ABCA9: variants seen among roughly 807,000 people sequenced by gnomAD.
ABCA9 encodes ATP binding cassette subfamily A member 9.
In ABCA9, 183 loss-of-function variants were observed where a neutral mutation model predicts 205.3. The ratio of observed to expected loss-of-function variants is 0.89; its 90% CI spans 0.79 to 1.01. ABCA9 has a LOEUF of 1.01. Ranked by LOEUF, ABCA9 falls within the 50% of genes least tolerant of loss-of-function variation. The pLI is 0.00. For missense variants in ABCA9, 1,805 were observed against 1,912.4 expected (o/e 0.94, Z 1.05); for synonymous variants, 651 against 683.3 (o/e 0.95, Z 0.74).
intron 25 of ABCA9, among the ~76,000 whole-genome samples, chr17:68,996,674 A>G (rs1181076617): frequency 2.0e-5 from 3 of 152,224 alleles, no homozygotes; most frequent in Non-Finnish European, 4.4e-5. Context: ...ACAGGAGGTC[A>G]TATTATTTAT....
intron 25 of ABCA9, among the ~76,000 whole-genome samples, chr17:68,997,393 A>AT (rs1275003122): frequency 2.0e-5 from 3 of 151,888 alleles, no homozygotes; most frequent in African/African-American, 7.2e-5. Context: ...AACTTTATGA[A>AT]TTTTTTCTAT....
chr17:69,007,518 T>C lies in ABCA9; in HGVS notation c.3435+241A>G, dbSNP rs146782365. Among the ~76,000 whole-genome samples, 625 of 152,318 alleles carry C rather than the reference T, an allele frequency of 4.1e-3. 4 individuals carry two copies. The highest frequency in any genetic ancestry group is 0.015 in the African/African-American group (603 of 41,582). On this transcript the variant is annotated intron_variant, in intron 25 of 38. Transcript: ENST00000340001. Reference sequence around the variant, plus strand: ...TCAGGTGAAATTGCAAGTGAATTGCTAGAAGCAGAAGTCTCTACTCAGGGG... The same window carrying C: ...TCAGGTGAAATTGCAAGTGAATTGCCAGAAGCAGAAGTCTCTACTCAGGGG...
intron 34 of ABCA9, 54 bp from the exon 35 acceptor site, chr17:68,984,229 G>A: frequency 6.3e-7 from 1 of 1,584,174 alleles, no homozygotes; most frequent in Non-Finnish European, 8.6e-7. Flanking sequence ...AAGGTATTTG[G>A]AATTTTAAAA....
intron 22 of ABCA9, 58 bp from the exon 23 acceptor site, chr17:69,012,141 C>T (rs1047035838): frequency 4.9e-5 from 59 of 1,197,580 alleles, no homozygotes; most frequent in Non-Finnish European, 6.6e-5. Flanking sequence ...TTCATCTGTA[C>T]TTTCTTAACT....
At chr17:69,043,082 G>A (rs2071596567) in intron 6 of ABCA9, 2 of 174,348 alleles carry the variant, frequency 1.1e-5, no homozygotes, top group African/African-American at 2.5e-5. Context: ...ATGGGAGACA[G>A]TGACAGATCA....
intron 15 of ABCA9, 88 bp downstream of exon 15, chr17:69,026,888 A>T: frequency 6.7e-7 from 1 of 1,487,374 alleles, no homozygotes. Flanking sequence ...TGGCAGTTCC[A>T]GGGAGACACA....
At chr17:68,984,545 T>C (rs531646088) in intron 34 of ABCA9, among the ~76,000 whole-genome samples, 2 of 152,330 alleles carry the variant, frequency 1.3e-5, no homozygotes, top group Non-Finnish European at 2.9e-5. Flanking sequence ...TTAAAATATA[T>C]TGAAGATTTG....
the ABCA9 span, among the ~76,000 whole-genome samples, chr17:69,067,945 C>A: frequency 8.5e-5 from 13 of 152,304 alleles, no homozygotes; most frequent in African/African-American, 2.9e-4. Flanking sequence ...GAAACCTAAA[C>A]AGAAACACTG....
chr17:68,983,786 C>T lies in ABCA9; in HGVS notation c.4563G>A (p.Lys1521=). ...GCTCCATTTGTGCCAGGTTCTTCAG[C>T]TTCATCTCCAGCAGGTAGTCTTTGC... ...KFGKDYLLEM[K]LKNLAQMEPL... is the part of the protein sequence containing the mutation. The change falls in exon 36 of 39, where the codon AAG becomes AAA. Residue 1521 remains lysine, a synonymous_variant. Coordinates refer to ENST00000340001, the MANE Select transcript of ABCA9 (RefSeq NM_080283.4). 6.2e-7 allele frequency: 1 copy of T among 1,614,192 alleles called. No homozygotes were observed. The highest frequency in any genetic ancestry group is 8.5e-7 in the Non-Finnish European group (1 of 1,180,036).
intron 22 of ABCA9, among the ~76,000 whole-genome samples, chr17:69,013,247 G>C (rs1167157991): frequency 1.3e-5 from 2 of 152,188 alleles, no homozygotes; most frequent in Admixed American, 6.5e-5. Context: ...GAGATTGATG[G>C]ATTGTATGGT....
rs534800501 is a variant in ABCA9 at position 69,050,378 on chromosome 17, T to A, written c.96+653A>T. Among the ~76,000 whole-genome samples, 1,229 of 149,902 alleles carry A rather than the reference T, an allele frequency of 8.2e-3. 18 individuals carry two copies. Among genetic ancestry groups the A allele is most frequent in the African/African-American group, 0.028 (1,150 of 40,912 alleles). On this transcript the variant is annotated intron_variant, in intron 2 of 38. Coordinates refer to ENST00000340001, the MANE Select transcript of ABCA9 (RefSeq NM_080283.4). ...CACACACACACACACACACACACGT[T>A]CATAAGATCAGATGTTAATATAAGT...
chr17:69,038,781 C>G (rs1334740179), intron 6 of ABCA9, among the ~76,000 whole-genome samples: 1 of 152,164 alleles, frequency 6.6e-6, no homozygotes, highest in Non-Finnish European at 1.5e-5. Context: ...CAAATTGTCT[C>G]TGTTTGCAGA....
chr17:69,076,618 T>G, the ABCA9 span, among the ~76,000 whole-genome samples: 3 of 152,208 alleles, frequency 2.0e-5, no homozygotes, highest in Non-Finnish European at 2.9e-5. Context: ...CTGATAGAAT[T>G]CAGTTGTGAA....
rs369236722 is a variant in ABCA9, at chr17:69,049,385, C to A, written c.202G>T (p.Val68Leu). Residue 68 changes from valine to leucine, a missense_variant, in exon 3 of 39, where the codon GTA (valine) becomes TTA (leucine). Coordinates refer to ENST00000340001, the MANE Select transcript of ABCA9 (RefSeq NM_080283.4). The part of the protein sequence containing the change: ...PQMSSMDLGR[V>L]DSFNDTNYVI... Reference sequence around the variant, plus strand: ...TAATTAGTATCATTAAAACTATCTACACGTCCCAGATCCATTGAAGACATT... The same window carrying A: ...TAATTAGTATCATTAAAACTATCTAAACGTCCCAGATCCATTGAAGACATT... The A allele has an allele frequency of 4.3e-6, 7 of 1,612,966 alleles. No homozygotes were observed. The highest frequency in any genetic ancestry group is 5.9e-6 in the Non-Finnish European group (7 of 1,179,252).
rs367840962 is a variant in ABCA9 at position 69,043,472 on chromosome 17, G to A, written c.800+17C>T. The A allele has an allele frequency of 2.4e-5, 37 of 1,536,756 alleles. No homozygotes were observed. The Middle Eastern group carries it at 9.0e-4, about 37-fold the overall frequency. On this transcript the variant is annotated intron_variant, in intron 6 of 38. Transcript: ENST00000340001. ...GTTTGTTTATGCTGTATAATGGATT[G>A]GAGTCATATGATTTACCAGAATGCT...
At chr17:69,069,982 T>C in the ABCA9 span, among the ~76,000 whole-genome samples, 1 of 152,336 alleles carries the variant, frequency 6.6e-6, no homozygotes, top group East Asian at 1.9e-4. Context: ...AGTGGTTATA[T>C]ATATTGTCAT....
chr17:69,013,494 G>T (rs2070461808), intron 22 of ABCA9, among the ~76,000 whole-genome samples: 1 of 152,176 alleles, frequency 6.6e-6, no homozygotes, highest in South Asian at 2.1e-4. Context: ...TCATATCTTT[G>T]CCTGTGGATA....
At chr17:69,016,431 A>G in intron 21 of ABCA9, 41 bp from the exon 22 acceptor site, 1 of 1,513,088 alleles carries the variant, frequency 6.6e-7, no homozygotes, top group East Asian at 2.5e-5. Context: ...TTCATAAAGC[A>G]AAGACAAAAT....
chr17:69,035,596 TA>T, intron 7 of ABCA9, 63 bp downstream of exon 7: 1 of 1,576,280 alleles, frequency 6.3e-7, no homozygotes, highest in Non-Finnish European at 8.6e-7. Context: ...GAATTAGTGA[TA>T]AATTATTGGC....
Sources: gnomAD v4.1 joint callset for allele counts (sites outside exome capture counted in the v4.1 genomes callset) on GRCh38, gnomAD v4.1.1 for gene constraint, MANE v1.5 for transcripts, NCBI Gene and HGNC (gene_info 2026-07-23, HGNC 2026-07-21) for gene names.